The following PTPRE variants were observed in gnomAD, a reference collection of about 807,000 sequenced individuals.
The protein encoded by PTPRE is protein tyrosine phosphatase receptor type E.
Under a neutral mutation model 102.0 loss-of-function variants are expected in PTPRE, and 51 were observed. The ratio of observed to expected loss-of-function variants is 0.50; its 90% CI spans 0.40 to 0.63. The LOEUF is 0.63. Among genes scored for constraint, PTPRE ranks in the 30% least tolerant of loss-of-function variants. The pLI is 0.00. For missense variants in PTPRE, 752 were observed against 915.1 expected, an observed-to-expected ratio of 0.82 and a Z score of 2.30; for synonymous variants, 345 against 348.2, an observed-to-expected ratio of 0.99 and a Z score of 0.10.
intron 1 of PTPRE, chr10:127,934,832 A>T (rs1162930804): frequency 1.3e-5 from 2 of 152,266 alleles, no homozygotes; most frequent in South Asian, 4.1e-4. Context: ...TAGCCATGGA[A>T]CGGTGGTCAT....
intron 2 of PTPRE, among the ~76,000 whole-genome samples, chr10:127,983,624 C>T (rs780946242): frequency 3.3e-5 from 5 of 152,154 alleles, no homozygotes; most frequent in African/African-American, 4.8e-5. Context: ...GCCTACCGTG[C>T]TAGAATGAAA....
chr10:127,907,366 G>C lies in PTPRE; in HGVS notation c.-31+57G>C. On this transcript the variant is annotated intron_variant, in intron 1 of 20. Coordinates refer to ENST00000254667, the MANE Select transcript of PTPRE (RefSeq NM_006504.6). This position sits in a 1 kb window ranked among gnomAD's most constrained non-coding sequence, Gnocchi z 4.8. ...CCCTGTGGGGAACTGTGCACCCCGGGAGGCCCAAGCAGGCCGGGGCGCTGC... is the reference window on the plus strand; with the variant it reads ...CCCTGTGGGGAACTGTGCACCCCGGCAGGCCCAAGCAGGCCGGGGCGCTGC... The C allele has an allele frequency of 1.0e-6, 1 of 982,228 alleles. No individual in the cohort carries two copies. Among genetic ancestry groups the C allele is most frequent in the South Asian group, 4.7e-5 (1 of 21,218 alleles). The allele number at this position is 982,228 out of a possible 1,614,324, so 60.8% of individuals were successfully genotyped here.
At chr10:128,074,933 T>A (rs1851105814) in intron 17 of PTPRE, among the ~76,000 whole-genome samples, 1 of 152,224 alleles carries the variant, frequency 6.6e-6, no homozygotes, top group African/African-American at 2.4e-5. Context: ...TGTCATTGTC[T>A]TTTTGATTAA....
intron 5 of PTPRE, among the ~76,000 whole-genome samples, chr10:128,049,184 C>T (rs928636375): frequency 4.7e-5 from 7 of 149,224 alleles, no homozygotes; most frequent in African/African-American, 7.4e-5. Flanking sequence ...AGAGTGAGGC[C>T]GTCTTGAATC....
intron 1 of PTPRE, among the ~76,000 whole-genome samples, chr10:127,929,182 T>G (rs981245152): frequency 1.3e-5 from 2 of 152,292 alleles, no homozygotes; most frequent in Admixed American, 6.5e-5. Flanking sequence ...TAAAATAAAA[T>G]TAGGGGGTAC....
chr10:128,000,278 A>G (rs1355722340), intron 2 of PTPRE, among the ~76,000 whole-genome samples: 2 of 152,200 alleles, frequency 1.3e-5, no homozygotes, highest in Admixed American at 6.5e-5. Context: ...TCTTTCACCT[A>G]AAATAAAAGA....
rs367991669 is a variant in PTPRE, at chr10:128,067,355, C to T, written c.844-768C>T. Among the ~76,000 whole-genome samples the T allele has an allele frequency of 1.2e-4, 18 of 151,814 alleles. 1 individual carries two copies. The highest frequency in any genetic ancestry group is 3.9e-4 in the East Asian group (2 of 5,144). On this transcript the variant is annotated intron_variant, in intron 11 of 20. Coordinates refer to ENST00000254667, the MANE Select transcript of PTPRE (RefSeq NM_006504.6). ...ACATACATCCACACACATTCACACA[C>T]GCACACGTGCACACATGCACACATT...
chr10:127,954,781 A>AAGGG (rs1849279320), intron 1 of PTPRE, among the ~76,000 whole-genome samples: 1 of 152,044 alleles, frequency 6.6e-6, no homozygotes, highest in African/African-American at 2.4e-5. Context: ...TCCAGGAATC[A>AAGGG]AGGGTCAGGA....
intron 1 of PTPRE, among the ~76,000 whole-genome samples, chr10:127,945,644 C>T (rs1263281696): frequency 6.6e-6 from 1 of 152,116 alleles, no homozygotes; most frequent in Non-Finnish European, 1.5e-5. Flanking sequence ...TCAGAGAGGC[C>T]TGTGAGTGTG....
chr10:128,003,159 T>C (rs969932287), intron 2 of PTPRE, among the ~76,000 whole-genome samples: 1 of 152,196 alleles, frequency 6.6e-6, no homozygotes, highest in Non-Finnish European at 1.5e-5. Context: ...ACTTGACTGC[T>C]GTAAGGTAGT....
intron 1 of PTPRE, among the ~76,000 whole-genome samples, chr10:127,945,534 G>A (rs966328642): frequency 2.6e-5 from 4 of 152,224 alleles, no homozygotes; most frequent in African/African-American, 9.6e-5. Flanking sequence ...TGTATGGAGC[G>A]TGTGTCACCT....
At chr10:128,068,405 A>T (rs889540992) in intron 12 of PTPRE, 119 bp downstream of exon 12, 5 of 1,168,792 alleles carry the variant, frequency 4.3e-6, no homozygotes, top group Middle Eastern at 5.6e-4. Context: ...GGCAGGGCTG[A>T]TGTGAACACA....
chr10:128,026,100 G>A (rs983429389), intron 2 of PTPRE, among the ~76,000 whole-genome samples: 5 of 152,190 alleles, frequency 3.3e-5, no homozygotes, highest in African/African-American at 1.2e-4. Flanking sequence ...CAGGCATGGT[G>A]GGTGGCTATG....
At chr10:128,000,924 C>T (rs1375833697) in intron 2 of PTPRE, among the ~76,000 whole-genome samples, 2 of 152,160 alleles carry the variant, frequency 1.3e-5, no homozygotes, top group East Asian at 3.8e-4. Context: ...CAGGAAGCTA[C>T]CACTCCAGGG....
chr10:128,054,250 A>G (rs1333956645), intron 6 of PTPRE, among the ~76,000 whole-genome samples: 1 of 152,126 alleles, frequency 6.6e-6, no homozygotes, highest in South Asian at 2.1e-4. Context: ...TACTAGCAGA[A>G]GTCCACACGT....
intron 1 of PTPRE, among the ~76,000 whole-genome samples, chr10:127,909,789 G>T (rs1344139111): frequency 6.6e-6 from 1 of 152,242 alleles, no homozygotes; most frequent in African/African-American, 2.4e-5. Flanking sequence ...CCTTCCCGAA[G>T]CGCATGTGCT....
chr10:127,975,143 C>T (rs1347945886), intron 1 of PTPRE, among the ~76,000 whole-genome samples: 1 of 152,122 alleles, frequency 6.6e-6, no homozygotes, highest in African/African-American at 2.4e-5. Flanking sequence ...CTTTGTGGGA[C>T]AGGGAGCAGC....
At position 128,085,359 on chromosome 10, in the gene PTPRE, A is replaced by G. The variant is rs527316718; in HGVS notation, c.*2453A>G. Reference sequence around the variant, plus strand: ...CCCCAAACAGCCCAGTGCCGACACCATTGTTCCTTTCACACTTTCCTTTGT... The same window carrying G: ...CCCCAAACAGCCCAGTGCCGACACCGTTGTTCCTTTCACACTTTCCTTTGT... On this transcript the variant is annotated 3_prime_UTR_variant, in exon 21 of 21. Transcript: ENST00000254667. 52 of 251,558 alleles carry G rather than the reference A, an allele frequency of 2.1e-4. No individual in the cohort carries two copies. Among genetic ancestry groups the G allele is most frequent in the African/African-American group, 1.1e-3 (49 of 45,298 alleles). The allele number at this position is 251,558 out of a possible 1,614,324, so 15.6% of individuals were successfully genotyped here. A position where few individuals can be genotyped will look rare whatever the true frequency, so the allele number is the denominator to read the frequency against.
chr10:128,017,041 G>C (rs144870596), intron 2 of PTPRE, among the ~76,000 whole-genome samples: 8 of 152,182 alleles, frequency 5.3e-5, no homozygotes, highest in Admixed American at 1.3e-4. Context: ...TCATGCACAC[G>C]CATTGAGCAC....
Sources: allele counts gnomAD v4.1 joint callset (sites outside exome capture counted in the v4.1 genomes callset), GRCh38; gene constraint gnomAD v4.1.1; non-coding constraint Gnocchi (gnomAD v3.1); transcripts MANE v1.5; gene names NCBI Gene and HGNC (gene_info 2026-07-23, HGNC 2026-07-21).